CEP164: variants seen among roughly 807,000 people sequenced by gnomAD.
CEP164 encodes centrosomal protein of 164 kDa.
A neutral mutation model predicts 182.7 loss-of-function variants in CEP164; 162 were observed. The observed-to-expected ratio is 0.89, with a 90% CI of 0.78 to 1.01. The LOEUF (loss-of-function observed/expected upper bound fraction) is 1.01. Among genes scored for constraint, CEP164 ranks in the 50% least tolerant of loss-of-function variants. The probability of loss-of-function intolerance (pLI) is 0.00; values close to 1 mark genes in which losing one functional copy is unlikely to be tolerated. For synonymous variants in CEP164, 661 were observed against 690.0 expected (o/e 0.96, Z 0.66); for missense variants, 1,735 against 1,790.4 (o/e 0.97, Z 0.56).
intron 8 of CEP164, among the ~76,000 whole-genome samples, chr11:117,366,062 G>A (rs2041605171): frequency 6.6e-6 from 1 of 152,068 alleles, no homozygotes; most frequent in South Asian, 2.1e-4. Context: ...CATCCCCGCA[G>A]ATTTAGTTCT....
chr11:117,326,701 T>G (rs1441810923), upstream of CEP164, among the ~76,000 whole-genome samples: 3 of 152,236 alleles, frequency 2.0e-5, no homozygotes, highest in African/African-American at 7.2e-5. Context: ...GAATATGCTC[T>G]GTATATTCCA....
rs772204225 is a variant in CEP164, at chr11:117,392,301, G to A, written c.2359G>A (p.Glu787Lys). 5.0e-6 allele frequency: 8 copies of A among 1,609,952 alleles called. No homozygotes were observed. The highest frequency in any genetic ancestry group is 6.8e-6 in the Non-Finnish European group (8 of 1,179,572). The change falls in exon 18 of 33, where the codon GAG becomes AAG. Residue 787 changes from glutamate (E) to lysine (K), a missense_variant and splice_region_variant. Physicochemically the swap from Glu to Lys is moderately conservative, Grantham distance 56 (BLOSUM62 1). Coordinates refer to ENST00000278935, the MANE Select transcript of CEP164 (RefSeq NM_014956.5). ...LCSSLEAKHR[E>K]VVSSLQKKIQ... ...CTCCTCATTGGAGGCCAAGCACCGG[G>A]AGGTAAGATGCAGCATCCTGGGCCC... is the stretch of plus-strand genomic sequence containing the variant.
intron 5 of CEP164, chr11:117,356,597 A>C: frequency 7.8e-7 from 1 of 1,286,824 alleles, no homozygotes; most frequent in Non-Finnish European, 1.0e-6. Context: ...AGAGCCAGGC[A>C]AGATGCAGCA....
chr11:117,373,890 A>T (rs7109766), intron 10 of CEP164, 59 bp downstream of exon 10: 23,570 of 1,466,008 alleles, frequency 0.016, 248 homozygotes, highest in Non-Finnish European at 0.019. Context: ...GTGAGCCTCC[A>T]GGGTTAAGTA....
upstream of CEP164, among the ~76,000 whole-genome samples, chr11:117,324,831 G>A (rs752741912): frequency 4.6e-5 from 7 of 152,106 alleles, no homozygotes; most frequent in Non-Finnish European, 8.8e-5. Flanking sequence ...GTGAAACCCT[G>A]TCTCTACTAA....
At chr11:117,387,780 G>A (rs1470533509) in intron 15 of CEP164, among the ~76,000 whole-genome samples, 1 of 152,158 alleles carries the variant, frequency 6.6e-6, no homozygotes, top group East Asian at 1.9e-4. Flanking sequence ...TTAACTAAAG[G>A]CTAAGTCTTG....
At position 117,409,737 on chromosome 11, in the gene CEP164, C is replaced by A; in HGVS notation, c.3868C>A (p.Pro1290Thr). ...CCTGGACAGCCTCAACCCTCAGTCG[C>A]CGCCGCCGCTCCTCGCCTCCATGCC... Reference protein sequence around the residue: ...SILDSLNPQSPPPLLASMPAQ... With the variant: ...SILDSLNPQSTPPLLASMPAQ... The change falls in exon 30 of 33, where the codon CCG becomes ACG. Residue 1290 changes from proline (P) to threonine (T), a missense_variant. Coordinates refer to ENST00000278935, the MANE Select transcript of CEP164 (RefSeq NM_014956.5). This position sits in a 1 kb window ranked among gnomAD's most constrained non-coding sequence, Gnocchi z 4.4. The A allele has an allele frequency of 6.2e-7, 1 of 1,613,982 alleles. No individual in the cohort carries two copies. The highest frequency in any genetic ancestry group is 8.5e-7 in the Non-Finnish European group (1 of 1,179,914).
rs963920659 is a variant in CEP164, at chr11:117,413,109, G to A, written c.*941G>A. On this transcript the variant is annotated 3_prime_UTR_variant, in exon 33 of 33. Coordinates refer to ENST00000278935, the MANE Select transcript of CEP164 (RefSeq NM_014956.5). The stretch of plus-strand genomic sequence containing the variant: ...CCGGTGCCCGGCCCTGGCAGCAAGG[G>A]GTCTTTGTGCAGTTGGAGATGCTGC... 2.0e-5 allele frequency: 3 copies of A among 152,288 alleles called. No homozygotes were observed. The highest frequency in any genetic ancestry group is 2.1e-4 in the South Asian group (1 of 4,832). The allele number at this position is 152,288 out of a possible 1,614,324, so 9.4% of individuals were successfully genotyped here. A position where few individuals can be genotyped will look rare whatever the true frequency, so the allele number is the denominator to read the frequency against.
intron 2 of CEP164, chr11:117,336,688 G>T: frequency 2.5e-6 from 2 of 805,088 alleles, no homozygotes; most frequent in African/African-American, 3.4e-5. Context: ...CGTTCTACCA[G>T]ATCCTGATGT....
Position 117,381,741 on chromosome 11 carries a change from C to T in CEP164, c.1450C>T (p.Pro484Ser). Residue 484 changes from proline to serine, a missense_variant, in exon 13 of 33, where the codon CCC (proline) becomes TCC (serine). Physicochemically the swap from Pro to Ser is moderately conservative, Grantham distance 74. Transcript: ENST00000278935. Reference sequence around the variant, plus strand: ...TCCACACGAGGAGCGGGCCCAGAGTCCCCCTCGCAGCCTGGCCACTGAAGA... The same window carrying T: ...TCCACACGAGGAGCGGGCCCAGAGTTCCCCTCGCAGCCTGGCCACTGAAGA... ...PLPHEERAQS[P>S]PRSLATEEEP... The T allele has an allele frequency of 6.2e-7, 1 of 1,609,902 alleles. No individual in the cohort carries two copies. The highest frequency in any genetic ancestry group is 8.5e-7 in the Non-Finnish European group (1 of 1,178,306).
intron 5 of CEP164, chr11:117,356,566 C>T (rs750882003): frequency 1.5e-5 from 19 of 1,289,004 alleles, no homozygotes; most frequent in Non-Finnish European, 1.8e-5. Flanking sequence ...TCCAGCAGAG[C>T]TCCAGCAGAG....
At position 117,382,856 on chromosome 11, in the gene CEP164, C is replaced by G. The variant is rs144199348; in HGVS notation, c.1638C>G (p.Ala546=). ...CEKGKEQHSQ[A]EELGPGQEEA... The stretch of plus-strand genomic sequence containing the variant: ...AGGGCAAGGAGCAGCATTCCCAGGC[C>G]GAGGAGCTGGGCCCTGGGCAGGAAG... The change falls in exon 14 of 33, where the codon GCC becomes GCG. Residue 546 remains alanine, a synonymous_variant. Coordinates refer to ENST00000278935, the MANE Select transcript of CEP164 (RefSeq NM_014956.5). The G allele has an allele frequency of 3.5e-5, 57 of 1,613,894 alleles. No individual in the cohort carries two copies. Among genetic ancestry groups the G allele is most frequent in the Non-Finnish European group, 4.7e-5 (55 of 1,180,016 alleles).
At chr11:117,362,260 G>A in intron 6 of CEP164, 144 bp from the exon 7 acceptor site, 1 of 897,060 alleles carries the variant, frequency 1.1e-6, no homozygotes, top group Non-Finnish European at 1.7e-6. Context: ...TCATTGATGT[G>A]AGCTGCAGTC....
chr11:117,349,855 A>C (rs1013764675), intron 4 of CEP164, among the ~76,000 whole-genome samples: 3 of 152,098 alleles, frequency 2.0e-5, no homozygotes, highest in Admixed American at 2.0e-4. Flanking sequence ...GCTCACTGCA[A>C]CCTTCACCTC....
chr11:117,348,755 C>T (rs908760164), intron 4 of CEP164, among the ~76,000 whole-genome samples: 2 of 152,126 alleles, frequency 1.3e-5, no homozygotes, highest in African/African-American at 4.8e-5. Flanking sequence ...GTTTTCATCC[C>T]CAAACTGAAA....
At chr11:117,371,663 G>A (rs1178825392) in intron 9 of CEP164, among the ~76,000 whole-genome samples, 197 bp downstream of exon 9, 1 of 152,118 alleles carries the variant, frequency 6.6e-6, no homozygotes, top group Non-Finnish European at 1.5e-5. Context: ...AGTAAAATCC[G>A]GAATGAAGCT....
At chr11:117,351,128 G>C (rs1330984176) in intron 4 of CEP164, among the ~76,000 whole-genome samples, 1 of 152,138 alleles carries the variant, frequency 6.6e-6, no homozygotes, top group Non-Finnish European at 1.5e-5. Context: ...CGACTCCCAG[G>C]TTCAAGCGAT....
intron 8 of CEP164, among the ~76,000 whole-genome samples, chr11:117,370,088 A>G (rs1197442374): frequency 2.0e-5 from 3 of 152,338 alleles, no homozygotes; most frequent in South Asian, 2.1e-4. Flanking sequence ...GGGCTGACCA[A>G]GACTTTCCCA....
In CEP164 at chr11:117,397,246, C is replaced by T. The variant is rs770370539; in HGVS notation, c.3434C>T (p.Ala1145Val). The change falls in exon 27 of 33, where the codon GCG (alanine) becomes GTG (valine). Residue 1145 changes from alanine (A) to valine (V), a missense_variant. By Grantham distance (64) the Ala-to-Val change is moderately conservative. Transcript: ENST00000278935. Reference sequence around the variant, plus strand: ...CATTGGCGCCATGAGCTGGCCAGTGCGCAGGAGGTGGCCAAAGACCCACCA... The same window carrying T: ...CATTGGCGCCATGAGCTGGCCAGTGTGCAGGAGGTGGCCAAAGACCCACCA... ...QQHWRHELAS[A>V]QEVAKDPPGI... 16 of 1,614,070 alleles carry T rather than the reference C, an allele frequency of 9.9e-6. No homozygotes were observed. Among genetic ancestry groups the T allele is most frequent in the Admixed American group, 5.0e-5 (3 of 60,010 alleles).
Sources: gnomAD v4.1 joint callset for allele counts (sites outside exome capture counted in the v4.1 genomes callset) on GRCh38, gnomAD v4.1.1 for gene constraint, Gnocchi (gnomAD v3.1) non-coding constraint, MANE v1.5 for transcripts, NCBI Gene and HGNC (gene_info 2026-07-23, HGNC 2026-07-21) for gene names.